ATG7: variants seen among roughly 807,000 people sequenced by gnomAD.
The protein encoded by ATG7 is autophagy related 7.
ATG7 carries 70 observed loss-of-function variants against 82.4 expected under a neutral mutation model. That is an observed-to-expected ratio of 0.85 (90% confidence interval 0.70 to 1.04). The LOEUF (loss-of-function observed/expected upper bound fraction) is 1.04, where lower values mean the gene tolerates loss of function less well. Ranked by LOEUF, ATG7 falls within the 50% of genes least tolerant of loss-of-function variation. ATG7 has a pLI of 0.00. For missense variants in ATG7, 792 were observed against 864.3 expected (o/e 0.92, Z 1.05); for synonymous variants, 287 against 313.0 (o/e 0.92, Z 0.88).
intron 19 of ATG7, among the ~76,000 whole-genome samples, chr3:11,395,022 A>C (rs755826784): frequency 6.6e-6 from 1 of 152,224 alleles, no homozygotes; most frequent in South Asian, 2.1e-4. Context: ...ACAGCATTAA[A>C]GGAAGTAAAA....
At chr3:11,563,583 G>C in the ATG7 span, among the ~76,000 whole-genome samples, 1 of 152,186 alleles carries the variant, frequency 6.6e-6, no homozygotes. Context: ...CAGAGGGCTG[G>C]GTAAATGGTG....
intron 19 of ATG7, among the ~76,000 whole-genome samples, chr3:11,402,160 T>G (rs1005865988): frequency 6.6e-6 from 1 of 152,208 alleles, no homozygotes; most frequent in African/African-American, 2.4e-5. Context: ...AGACTGGGCG[T>G]GGTTGCTCAC....
intron 3 of ATG7, among the ~76,000 whole-genome samples, chr3:11,295,835 G>A (rs1338381684): frequency 1.4e-5 from 2 of 147,290 alleles, no homozygotes; most frequent in Non-Finnish European, 3.0e-5. Context: ...TGCCCAGGCT[G>A]GAGTGCAATG....
intron 3 of ATG7, among the ~76,000 whole-genome samples, chr3:11,292,170 C>G (rs1159023582): frequency 6.6e-6 from 1 of 151,870 alleles, no homozygotes; most frequent in African/African-American, 2.4e-5. Context: ...TTCAGAGTGG[C>G]GTGAATCTGG....
intron 19 of ATG7, among the ~76,000 whole-genome samples, chr3:11,380,511 C>T (rs1340335177): frequency 6.6e-6 from 1 of 152,114 alleles, no homozygotes; most frequent in Non-Finnish European, 1.5e-5. Context: ...CTAAAAGGGC[C>T]CCTTCAGCTT....
intron 20 of ATG7, among the ~76,000 whole-genome samples, chr3:11,456,810 G>A (rs183725335): frequency 2.2e-4 from 34 of 152,046 alleles, no homozygotes; most frequent in African/African-American, 7.5e-4. Flanking sequence ...ATTTTTTCGC[G>A]TTCACACTGT....
At chr3:11,431,462 A>C (rs1165240430) in intron 20 of ATG7, among the ~76,000 whole-genome samples, 1 of 152,222 alleles carries the variant, frequency 6.6e-6, no homozygotes, top group African/African-American at 2.4e-5. Context: ...GTATATTCAC[A>C]GAGTTGTGCA....
chr3:11,358,713 G>A (rs1285317485), intron 15 of ATG7, 101 bp downstream of exon 15: 15 of 1,284,882 alleles, frequency 1.2e-5, no homozygotes, highest in Non-Finnish European at 1.6e-5. Flanking sequence ...GATGTGGTTT[G>A]TGTGACCTGG....
At chr3:11,283,842 G>A (rs1236826521) in intron 3 of ATG7, among the ~76,000 whole-genome samples, 1 of 152,188 alleles carries the variant, frequency 6.6e-6, no homozygotes, top group Non-Finnish European at 1.5e-5. Context: ...CAAGGCAGGA[G>A]AATCGCTTGA....
chr3:11,441,481 A>G (rs1013552272), intron 20 of ATG7, among the ~76,000 whole-genome samples: 2 of 151,810 alleles, frequency 1.3e-5, no homozygotes, highest in African/African-American at 4.8e-5. Flanking sequence ...TGACCTCATG[A>G]TCCACCCACC....
At chr3:11,573,450 G>C in the ATG7 span, among the ~76,000 whole-genome samples, 1 of 152,168 alleles carries the variant, frequency 6.6e-6, no homozygotes, top group Non-Finnish European at 1.5e-5. Context: ...GCTGGGGACA[G>C]GGCTTCTGAC....
chr3:11,304,623 T>C (rs1461866037), intron 5 of ATG7: 1 of 152,266 alleles, frequency 6.6e-6, no homozygotes, highest in East Asian at 1.9e-4. Flanking sequence ...TGGCCAAGTG[T>C]AAATAACTGG....
intron 1 of ATG7, among the ~76,000 whole-genome samples, chr3:11,279,553 G>A (rs553998773): frequency 8.4e-4 from 127 of 152,088 alleles, no homozygotes; most frequent in African/African-American, 2.9e-3. Context: ...GCATGGTGGC[G>A]GGTGCCTGTA....
At chr3:11,283,540 G>A (rs530582041) in intron 3 of ATG7, among the ~76,000 whole-genome samples, 2 of 152,232 alleles carry the variant, frequency 1.3e-5, no homozygotes, top group East Asian at 3.9e-4. Context: ...CCAATAGGAG[G>A]TGGAGGTGGA....
intron 1 of ATG7, among the ~76,000 whole-genome samples, chr3:11,275,116 T>A (rs1446764319): frequency 6.6e-6 from 1 of 151,978 alleles, no homozygotes; most frequent in Non-Finnish European, 1.5e-5. Flanking sequence ...TGGAATTTGC[T>A]GGACTTGGTA....
chr3:11,488,621 C>T lies in ATG7; in HGVS notation c.2079+61695C>T, dbSNP rs181883174. 5.9e-3 allele frequency: 2,322 copies of T among 393,668 alleles called. 49 individuals carry two copies. The highest frequency in any genetic ancestry group is 0.045 in the African/African-American group (2,097 of 46,738). 24.4% of individuals were successfully genotyped at this position (393,668 alleles called of 1,614,324 possible). A position where few individuals can be genotyped will look rare whatever the true frequency, so the allele number is the denominator to read the frequency against. On this transcript the variant is annotated intron_variant, in intron 20 of 20. Transcript: ENST00000693202. The stretch of plus-strand genomic sequence containing the variant: ...CCACCGACCCCAGCCCGCGGGCCTT[C>T]GAGCCTTCTGGGGCCTCCGGCGCCG...
At chr3:11,536,706 C>T (rs778723274) in intron 20 of ATG7, among the ~76,000 whole-genome samples, 2 of 152,152 alleles carry the variant, frequency 1.3e-5, no homozygotes, top group Non-Finnish European at 2.9e-5. Flanking sequence ...CCCGACCCTG[C>T]GGCTCCGACC....
At chr3:11,473,560 C>G (rs958987151) in intron 20 of ATG7, among the ~76,000 whole-genome samples, 1 of 152,168 alleles carries the variant, frequency 6.6e-6, no homozygotes, top group Non-Finnish European at 1.5e-5. Context: ...AGGCTAGAAG[C>G]TTTAAGATAC....
At chr3:11,551,449 C>T (rs1481081822) in intron 20 of ATG7, among the ~76,000 whole-genome samples, 1 of 152,234 alleles carries the variant, frequency 6.6e-6, no homozygotes, top group Non-Finnish European at 1.5e-5. Context: ...AGGGGTGTGG[C>T]TCTATCTACT....
Sources: allele counts gnomAD v4.1 joint callset (sites outside exome capture counted in the v4.1 genomes callset), GRCh38; gene constraint gnomAD v4.1.1; transcripts MANE v1.5; gene names NCBI Gene and HGNC (gene_info 2026-07-23, HGNC 2026-07-21).